The following GNAL variants were observed in gnomAD, a reference collection of about 807,000 sequenced individuals.
GNAL encodes the protein guanine nucleotide-binding protein G(olf) subunit alpha.
Under a neutral mutation model 55.1 loss-of-function variants are expected in GNAL, and 18 were observed. That is an observed-to-expected ratio of 0.33 (90% CI 0.23 to 0.48). GNAL has a LOEUF of 0.48. Ranked by LOEUF, GNAL falls within the 20% of genes least tolerant of loss-of-function variation. The pLI, the probability that GNAL is intolerant of heterozygous loss-of-function variation, is 0.99. For missense variants in GNAL, 412 were observed against 614.1 expected (o/e 0.67, Z 3.48); for synonymous variants, 253 against 237.0 (o/e 1.07, Z -0.62).
intron 5 of GNAL, chr18:11,857,697 G>A (rs1402788382): frequency 5.1e-6 from 5 of 985,342 alleles, no homozygotes; most frequent in Non-Finnish European, 6.0e-6. Context: ...CAGTGACGCC[G>A]ATATGCTGCG....
intron 1 of GNAL, among the ~76,000 whole-genome samples, chr18:11,694,284 T>G (rs2031343487): frequency 6.6e-6 from 1 of 152,168 alleles, no homozygotes; most frequent in Non-Finnish European, 1.5e-5. Context: ...GTGAATTCTT[T>G]GTGCTCCTCT....
chr18:11,873,571 C>T (rs1000794137), intron 10 of GNAL, among the ~76,000 whole-genome samples: 3 of 152,260 alleles, frequency 2.0e-5, no homozygotes, highest in Admixed American at 6.5e-5. Context: ...GCCAGAGGGT[C>T]ACTCAGCGTG....
chr18:11,769,079 T>C (rs2033542254), intron 4 of GNAL, among the ~76,000 whole-genome samples: 1 of 93,116 alleles, frequency 1.1e-5, no homozygotes, highest in South Asian at 2.5e-4. Flanking sequence ...ATAGATTATA[T>C]AAATTATATG....
intron 5 of GNAL, chr18:11,851,484 G>T: frequency 8.6e-6 from 13 of 1,509,420 alleles, no homozygotes; most frequent in Non-Finnish European, 1.1e-5. Context: ...TCTCAGCCGG[G>T]CCGCCGACCC....
chr18:11,880,406 TA>T (rs201769085), intron 11 of GNAL, among the ~76,000 whole-genome samples: 1 of 151,706 alleles, frequency 6.6e-6, no homozygotes, highest in Non-Finnish European at 1.5e-5. Context: ...CCGTCTCTAC[TA>T]AAAATACAAA....
chr18:11,846,464 T>TAC lies in GNAL; in HGVS notation c.723-15903_723-15902dup, dbSNP rs57334090. Among the ~76,000 whole-genome samples the TAC allele has an allele frequency of 9.0e-3, 1,257 of 140,080 alleles. 17 individuals carry two copies. Among genetic ancestry groups the TAC allele is most frequent in the African/African-American group, 0.029 (1,086 of 37,346 alleles). The allele number at this position is 140,080 out of a possible 152,430, so 91.9% of individuals were successfully genotyped here. ...ATAAATATAAATATATATATAAATA[T>TAC]ACACACACACACACACACACACACA... is the stretch of plus-strand genomic sequence containing the variant. On this transcript the variant is annotated intron_variant, in intron 5 of 11. Transcript: ENST00000334049.
chr18:11,824,698 C>A (rs5014803), intron 4 of GNAL, among the ~76,000 whole-genome samples: 5 of 149,164 alleles, frequency 3.4e-5, no homozygotes, highest in Admixed American at 6.6e-5. Flanking sequence ...AAAAAAAAAA[C>A]AAAAAACTTT....
At chr18:11,746,770 C>A in intron 1 of GNAL, 1 of 393,576 alleles carries the variant, frequency 2.5e-6, no homozygotes, top group South Asian at 2.0e-5. Context: ...AATACACTCC[C>A]CAGACATTTG....
intron 5 of GNAL, among the ~76,000 whole-genome samples, chr18:11,859,993 C>G (rs995866824): frequency 3.9e-4 from 59 of 152,102 alleles, no homozygotes; most frequent in Non-Finnish European, 1.2e-4. Flanking sequence ...GGCGATCCAC[C>G]CACCTCCACC....
intron 1 of GNAL, among the ~76,000 whole-genome samples, chr18:11,709,829 G>A (rs2031796525): frequency 6.6e-6 from 1 of 152,038 alleles, no homozygotes; most frequent in East Asian, 1.9e-4. Context: ...GGGACTTCCT[G>A]TGGTGTGCTG....
At chr18:11,694,867 C>T (rs1327443023) in intron 1 of GNAL, among the ~76,000 whole-genome samples, 1 of 152,190 alleles carries the variant, frequency 6.6e-6, no homozygotes, top group Non-Finnish European at 1.5e-5. Context: ...TCCTGGCTTG[C>T]AAACGGCCAC....
chr18:11,747,345 T>TA (rs1384603592), intron 1 of GNAL: 3 of 183,832 alleles, frequency 1.6e-5, no homozygotes, highest in African/African-American at 7.1e-5. Flanking sequence ...TTTAAGGTGT[T>TA]ACAGGAATAT....
chr18:11,869,850 A>G (rs1455105629), intron 9 of GNAL, among the ~76,000 whole-genome samples: 3 of 152,204 alleles, frequency 2.0e-5, no homozygotes, highest in Non-Finnish European at 4.4e-5. Context: ...CGGAGGTTAC[A>G]GTAAGCTGCG....
Position 11,882,365 on chromosome 18 carries a change from C to T in GNAL, c.*1230C>T, listed in dbSNP as rs920778993. The T allele has an allele frequency of 1.3e-5, 2 of 152,174 alleles. No individual in the cohort carries two copies. The highest frequency in any genetic ancestry group is 4.8e-5 in the African/African-American group (2 of 41,426). The allele number at this position is 152,174 out of a possible 1,614,324, so 9.4% of individuals were successfully genotyped here. A position where few individuals can be genotyped will look rare whatever the true frequency, so the allele number is the denominator to read the frequency against. The stretch of plus-strand genomic sequence containing the variant: ...TAGTCAAAACTTTGGACACAGGCTA[C>T]GTCATACAAGTAAGCAAACAGTAAG... On this transcript the variant is annotated 3_prime_UTR_variant, in exon 12 of 12. Coordinates refer to ENST00000334049, the MANE Select transcript of GNAL (RefSeq NM_182978.4).
intron 11 of GNAL, among the ~76,000 whole-genome samples, chr18:11,880,264 C>A (rs1368051794): frequency 1.4e-5 from 2 of 144,874 alleles, no homozygotes; most frequent in African/African-American, 5.1e-5. Flanking sequence ...CTCAAACAAA[C>A]AAAAAAACAA....
Position 11,884,751 on chromosome 18 carries a change from C to T in GNAL, c.*3616C>T. Reference sequence around the variant, plus strand: ...CCTCAGGTGAGGCAGGGAACGGGCCCTCCTCACCTGAGACCAAGGGGGCCC... The same window carrying T: ...CCTCAGGTGAGGCAGGGAACGGGCCTTCCTCACCTGAGACCAAGGGGGCCC... On this transcript the variant is annotated 3_prime_UTR_variant, in exon 12 of 12. Coordinates refer to ENST00000334049, the MANE Select transcript of GNAL (RefSeq NM_182978.4). 1 of 1,316,142 alleles carries T rather than the reference C, an allele frequency of 7.6e-7. No homozygotes were observed. The highest frequency in any genetic ancestry group is 1.5e-5 in the South Asian group (1 of 68,124). 81.5% of individuals were successfully genotyped at this position (1,316,142 alleles called of 1,614,324 possible).
chr18:11,735,687 G>A (rs1293011952), intron 1 of GNAL, among the ~76,000 whole-genome samples: 1 of 151,800 alleles, frequency 6.6e-6, no homozygotes. Context: ...TAGAGGTGGA[G>A]GAGTTTGCAG....
intron 5 of GNAL, among the ~76,000 whole-genome samples, chr18:11,861,637 T>C (rs2143834530): frequency 6.6e-6 from 1 of 152,242 alleles, no homozygotes; most frequent in South Asian, 2.1e-4. Flanking sequence ...GGGAGGCCTG[T>C]GCAGGGGCCG....
At chr18:11,851,714 T>C in intron 5 of GNAL, 2 of 1,613,966 alleles carry the variant, frequency 1.2e-6, no homozygotes, top group Admixed American at 1.7e-5. Context: ...TTCTTGAGAA[T>C]GAGTGCGCGA....
Sources: gnomAD v4.1 joint callset for allele counts (sites outside exome capture counted in the v4.1 genomes callset) on GRCh38, gnomAD v4.1.1 for gene constraint, MANE v1.5 for transcripts, NCBI Gene and HGNC (gene_info 2026-07-23, HGNC 2026-07-21) for gene names.